RBFOX1: variants seen among roughly 807,000 people sequenced by gnomAD.
The protein encoded by RBFOX1 is RNA binding fox-1 homolog 1, also known as RNA binding protein fox-1 homolog 1.
Under a neutral mutation model 57.7 loss-of-function variants are expected in RBFOX1, and 8 were observed. The ratio of observed to expected loss-of-function variants is 0.14; its 90% CI spans 0.08 to 0.25. The LOEUF (loss-of-function observed/expected upper bound fraction) is 0.25. RBFOX1 is among the 10% of genes least tolerant of loss of function. The pLI is 1.00. For synonymous variants in RBFOX1, 326 were observed against 222.4 expected, an observed-to-expected ratio of 1.47 and a Z score of -4.15; for missense variants, 611 against 548.5, an observed-to-expected ratio of 1.11 and a Z score of -1.14.
At chr16:6,375,679 C>T (rs963866356) in intron 2 of RBFOX1, among the ~76,000 whole-genome samples, 2 of 152,098 alleles carry the variant, frequency 1.3e-5, no homozygotes, top group Admixed American at 1.3e-4. Context: ...GATGGGAACC[C>T]GGAGGCGCAT....
At chr16:6,964,512 G>A (rs1313257369) in intron 3 of RBFOX1, among the ~76,000 whole-genome samples, 1 of 152,154 alleles carries the variant, frequency 6.6e-6, no homozygotes, top group Admixed American at 6.5e-5. Flanking sequence ...ACCTCTGGTA[G>A]GGGGTTTTGT....
intron 3 of RBFOX1, among the ~76,000 whole-genome samples, chr16:6,975,174 G>A (rs534983613): frequency 6.6e-6 from 1 of 152,238 alleles, no homozygotes; most frequent in South Asian, 2.1e-4. Context: ...TTCCTGTGAT[G>A]GTACTGAGGT....
intron 3 of RBFOX1, among the ~76,000 whole-genome samples, chr16:5,701,477 T>G (rs74520622): frequency 6.9e-5 from 1 of 14,552 alleles, no homozygotes; most frequent in African/African-American, 7.4e-5. Flanking sequence ...GGATGGAAGA[T>G]TTTTTTTTTT....
chr16:6,806,156 T>C (rs1426886414), intron 3 of RBFOX1, among the ~76,000 whole-genome samples: 1 of 152,164 alleles, frequency 6.6e-6, no homozygotes, highest in Non-Finnish European at 1.5e-5. Context: ...AGAATAGAAA[T>C]GAGTATAGAA....
chr16:6,304,323 A>G (rs897495628), intron 1 of RBFOX1, among the ~76,000 whole-genome samples: 5 of 152,080 alleles, frequency 3.3e-5, no homozygotes, highest in African/African-American at 7.2e-5. Flanking sequence ...CAGAAGTTCC[A>G]TGCATTCCCA....
At chr16:6,931,098 A>G (rs1457588242) in intron 3 of RBFOX1, among the ~76,000 whole-genome samples, 1 of 152,106 alleles carries the variant, frequency 6.6e-6, no homozygotes, top group East Asian at 1.9e-4. Flanking sequence ...ATATTGAATA[A>G]ATACTTATTG....
At chr16:5,848,973 A>C (rs1361764358) in intron 3 of RBFOX1, among the ~76,000 whole-genome samples, 9 of 137,860 alleles carry the variant, frequency 6.5e-5, no homozygotes, top group African/African-American at 2.0e-4. Context: ...CAAAAAAACA[A>C]CAACAAAAAA....
intron 3 of RBFOX1, among the ~76,000 whole-genome samples, chr16:6,996,413 CTG>C (rs2092250047): frequency 1.3e-5 from 2 of 152,042 alleles, no homozygotes; most frequent in South Asian, 4.2e-4. Context: ...GTATAGGTAT[CTG>C]GATACACATC....
At chr16:7,105,208 T>G (rs74494534) in intron 4 of RBFOX1, among the ~76,000 whole-genome samples, 1 of 151,812 alleles carries the variant, frequency 6.6e-6, no homozygotes, top group Non-Finnish European at 1.5e-5. Context: ...CAGTAGTCTA[T>G]GGAGATTGGC....
At chr16:6,692,854 C>G (rs556080785) in intron 3 of RBFOX1, among the ~76,000 whole-genome samples, 2 of 152,174 alleles carry the variant, frequency 1.3e-5, no homozygotes, top group South Asian at 4.2e-4. Context: ...CCATCACCAC[C>G]ATCATCATCA....
intron 3 of RBFOX1, among the ~76,000 whole-genome samples, chr16:7,005,214 G>A (rs1344064111): frequency 6.6e-6 from 1 of 152,052 alleles, no homozygotes; most frequent in African/African-American, 2.4e-5. Flanking sequence ...TTTGTGTGTG[G>A]GACATACAGT....
At chr16:6,825,188 G>T (rs938202051) in intron 3 of RBFOX1, among the ~76,000 whole-genome samples, 51 of 149,528 alleles carry the variant, frequency 3.4e-4, no homozygotes, top group Non-Finnish European at 4.2e-4. Context: ...CCTTTCTTGT[G>T]GGGGGGCTGA....
chr16:7,604,219 G>C (rs1017926289), intron 9 of RBFOX1, among the ~76,000 whole-genome samples: 5 of 152,166 alleles, frequency 3.3e-5, no homozygotes, highest in African/African-American at 1.2e-4. Flanking sequence ...GGGGAGAAGA[G>C]GGAGACTAGA....
At chr16:6,658,983 T>C (rs957723002) in intron 3 of RBFOX1, among the ~76,000 whole-genome samples, 48 of 151,458 alleles carry the variant, frequency 3.2e-4, no homozygotes, top group Non-Finnish European at 4.4e-4. Flanking sequence ...GTTGTGGAGC[T>C]AATGCAGATT....
intron 11 of RBFOX1, among the ~76,000 whole-genome samples, chr16:7,648,185 T>C (rs936636781): frequency 1.3e-5 from 2 of 152,228 alleles, no homozygotes; most frequent in African/African-American, 4.8e-5. Context: ...AGAAGCCATG[T>C]TGTCCCTAAA....
chr16:7,373,894 C>G (rs893431362), intron 4 of RBFOX1, among the ~76,000 whole-genome samples: 8 of 152,176 alleles, frequency 5.3e-5, no homozygotes, highest in African/African-American at 1.9e-4. Flanking sequence ...TCTCATTCCA[C>G]TCAAATCTTA....
rs145316722 is a variant in RBFOX1 at position 6,335,024 on chromosome 16, T to A, written c.-64+17967T>A. Among the ~76,000 whole-genome samples the A allele has an allele frequency of 9.5e-4, 145 of 152,366 alleles. 3 individuals are homozygous for A. In the East Asian group the frequency reaches 0.025, roughly 26 times the overall value. ...ATGTTACAGTTCAGTTGGGAATACC[T>A]ATTATGCCTGTTAGTATTTCTAACT... On this transcript the variant is annotated intron_variant, in intron 2 of 15. Coordinates refer to ENST00000550418, the MANE Select transcript of RBFOX1 (RefSeq NM_018723.4).
At chr16:7,656,462 C>T (rs138298964) in intron 12 of RBFOX1, among the ~76,000 whole-genome samples, 20 of 151,806 alleles carry the variant, frequency 1.3e-4, no homozygotes, top group Non-Finnish European at 2.6e-4. Context: ...GAACCCCTAT[C>T]TTGTGTTCAG....
chr16:7,428,847 G>T (rs1484923664), intron 4 of RBFOX1, among the ~76,000 whole-genome samples: 1 of 152,006 alleles, frequency 6.6e-6, no homozygotes, highest in Non-Finnish European at 1.5e-5. Flanking sequence ...TGGGAATAAT[G>T]ATAATGATAA....
Sources: allele counts gnomAD v4.1 joint callset (sites outside exome capture counted in the v4.1 genomes callset), GRCh38; gene constraint gnomAD v4.1.1; transcripts MANE v1.5; gene names NCBI Gene and HGNC (gene_info 2026-07-23, HGNC 2026-07-21).